SEMA3C: variants seen among roughly 807,000 people sequenced by gnomAD.
SEMA3C encodes semaphorin-3C.
A neutral mutation model predicts 89.4 loss-of-function variants in SEMA3C; 47 were observed. The observed-to-expected ratio is 0.53, with a 90% CI of 0.42 to 0.67. The LOEUF (loss-of-function observed/expected upper bound fraction) is 0.67. Among genes scored for constraint, SEMA3C ranks in the 30% least tolerant of loss-of-function variants. The pLI is 0.00. For synonymous variants in SEMA3C, 310 were observed against 320.2 expected (o/e 0.97, Z 0.34); for missense variants, 839 against 929.1 (o/e 0.90, Z 1.26).
At chr7:80,916,958 G>A (rs892946525) in intron 1 of SEMA3C, 139 bp from the exon 2 acceptor site, 8 of 592,980 alleles carry the variant, frequency 1.3e-5, no homozygotes, top group Non-Finnish European at 2.0e-5. Context: ...AGGAGGTGCT[G>A]TGTCTTTGCT....
At chr7:80,915,347 C>T (rs1448237982) in intron 2 of SEMA3C, among the ~76,000 whole-genome samples, 1 of 152,144 alleles carries the variant, frequency 6.6e-6, no homozygotes, top group Non-Finnish European at 1.5e-5. Context: ...TAGAAGCTCA[C>T]ACATTCTAAG....
chr7:80,803,959 A>G, intron 8 of SEMA3C, 147 bp downstream of exon 8: 1 of 703,752 alleles, frequency 1.4e-6, no homozygotes, highest in South Asian at 3.3e-5. Flanking sequence ...TGAATATTAA[A>G]TATAATAATG....
intron 2 of SEMA3C, among the ~76,000 whole-genome samples, chr7:80,911,836 C>T (rs192419541): frequency 6.6e-5 from 10 of 152,100 alleles, no homozygotes; most frequent in East Asian, 5.8e-4. Context: ...GGTATCACCA[C>T]GATAGCCAGC....
intron 1 of SEMA3C, 63 bp downstream of exon 1, chr7:80,918,765 T>C (rs1792338716): frequency 5.2e-6 from 5 of 956,466 alleles, no homozygotes; most frequent in Admixed American, 6.2e-5. Context: ...AAAATCAATA[T>C]ACAGGCCAAA....
chr7:80,783,878 A>G (rs1788743531), intron 12 of SEMA3C, among the ~76,000 whole-genome samples: 1 of 152,220 alleles, frequency 6.6e-6, no homozygotes, highest in African/African-American at 2.4e-5. Flanking sequence ...GGAAGCTAAT[A>G]AGAAGCATGA....
intron 15 of SEMA3C, 148 bp downstream of exon 15, chr7:80,758,183 T>C (rs1408306657): frequency 1.2e-6 from 1 of 817,636 alleles, no homozygotes. Flanking sequence ...ATTTTCTTCA[T>C]TCAAAGACTA....
intron 15 of SEMA3C, among the ~76,000 whole-genome samples, chr7:80,754,936 C>G (rs535475160): frequency 3.3e-5 from 1 of 30,488 alleles, no homozygotes; most frequent in Admixed American, 3.4e-4. Context: ...TGCCACCATG[C>G]CTGGCGAATT....
At chr7:80,896,667 A>C (rs1360997739) in intron 2 of SEMA3C, among the ~76,000 whole-genome samples, 5 of 152,154 alleles carry the variant, frequency 3.3e-5, no homozygotes, top group Non-Finnish European at 7.4e-5. Context: ...GTGACCCTCC[A>C]TCAGTCCTGG....
Position 80,804,090 on chromosome 7 carries a change from C to G in SEMA3C, c.801+16G>C, listed in dbSNP as rs1286053931. The G allele has an allele frequency of 7.6e-6, 12 of 1,576,980 alleles. No individual in the cohort carries two copies. Among genetic ancestry groups the G allele is most frequent in the Non-Finnish European group, 1.0e-5 (12 of 1,161,898 alleles). On this transcript the variant is annotated intron_variant, in intron 8 of 17. Transcript: ENST00000265361. ...TTCTTGGTCTTTCTTCAAATCGGAACAGCATTAATACTTACAGGACATATT... is the reference window on the plus strand; with the variant it reads ...TTCTTGGTCTTTCTTCAAATCGGAAGAGCATTAATACTTACAGGACATATT...
intron 11 of SEMA3C, among the ~76,000 whole-genome samples, chr7:80,795,431 C>T (rs943399953): frequency 3.9e-5 from 6 of 152,138 alleles, no homozygotes; most frequent in African/African-American, 1.4e-4. Context: ...ATGTAAGAAA[C>T]CACATTATAG....
At chr7:80,919,595 T>C (rs1284064039), upstream of SEMA3C, among the ~76,000 whole-genome samples, 1 of 152,000 alleles carries the variant, frequency 6.6e-6, no homozygotes, top group African/African-American at 2.4e-5. Flanking sequence ...TTTTTTGTTT[T>C]GTTTTTGGAG....
chr7:80,797,731 G>A (rs1235925376), intron 11 of SEMA3C, among the ~76,000 whole-genome samples: 1 of 152,160 alleles, frequency 6.6e-6, no homozygotes, highest in African/African-American at 2.4e-5. Context: ...CGGGTGCGGT[G>A]GCTCACGCCT....
intron 2 of SEMA3C, among the ~76,000 whole-genome samples, chr7:80,889,968 A>G (rs1417209687): frequency 6.6e-6 from 1 of 152,174 alleles, no homozygotes; most frequent in African/African-American, 2.4e-5. Context: ...TATGTAGTCT[A>G]TTATTCTTAT....
At chr7:80,821,541 T>C (rs547234380) in intron 4 of SEMA3C, among the ~76,000 whole-genome samples, 1 of 152,226 alleles carries the variant, frequency 6.6e-6, no homozygotes, top group South Asian at 2.1e-4. Flanking sequence ...TGCCTCAGCC[T>C]CCCGAGTAGC....
chr7:80,882,611 A>AG (rs1225323917), intron 2 of SEMA3C, among the ~76,000 whole-genome samples: 1 of 151,888 alleles, frequency 6.6e-6, no homozygotes, highest in Non-Finnish European at 1.5e-5. Context: ...CAGGCACACT[A>AG]GGGGCCAGAT....
At chr7:80,770,049 TTAAG>T (rs1788395623) in intron 12 of SEMA3C, among the ~76,000 whole-genome samples, 1 of 152,152 alleles carries the variant, frequency 6.6e-6, no homozygotes, top group Admixed American at 6.5e-5. Flanking sequence ...TTACTAATAA[TTAAG>T]TAAGTAGTCT....
chr7:80,915,936 C>T (rs1267022035), intron 2 of SEMA3C, among the ~76,000 whole-genome samples: 1 of 152,100 alleles, frequency 6.6e-6, no homozygotes, highest in East Asian at 1.9e-4. Context: ...CCATGTCTTG[C>T]TCCATCTGTC....
chr7:80,760,336 A>T (rs1163764103), intron 14 of SEMA3C, among the ~76,000 whole-genome samples: 3 of 152,162 alleles, frequency 2.0e-5, no homozygotes, highest in African/African-American at 7.2e-5. Context: ...TCCATTTTGA[A>T]TCCTGCCCTG....
chr7:80,871,160 T>C (rs751121361), intron 2 of SEMA3C, among the ~76,000 whole-genome samples: 1 of 152,182 alleles, frequency 6.6e-6, no homozygotes, highest in Non-Finnish European at 1.5e-5. Context: ...TTGTAAGAAA[T>C]GCACGAAGGT....
Sources: allele counts gnomAD v4.1 joint callset (sites outside exome capture counted in the v4.1 genomes callset), GRCh38; gene constraint gnomAD v4.1.1; transcripts MANE v1.5; gene names NCBI Gene and HGNC (gene_info 2026-07-23, HGNC 2026-07-21).